CPVL: variants seen among roughly 807,000 people sequenced by gnomAD.
CPVL encodes carboxypeptidase vitellogenic like.
CPVL carries 51 observed loss-of-function variants against 63.7 expected under a neutral mutation model. That is an observed-to-expected ratio of 0.80 (90% CI 0.64 to 1.01). CPVL has a LOEUF of 1.01. CPVL is among the 50% of genes least tolerant of loss of function. CPVL has a pLI of 0.00. For missense variants in CPVL, 530 were observed against 573.1 expected, an observed-to-expected ratio of 0.92 and a Z score of 0.77; for synonymous variants, 195 against 206.0, an observed-to-expected ratio of 0.95 and a Z score of 0.46.
intron 5 of CPVL, among the ~76,000 whole-genome samples, chr7:29,153,913 C>T (rs965522913): frequency 6.6e-6 from 1 of 151,954 alleles, no homozygotes; most frequent in African/African-American, 2.4e-5. Flanking sequence ...CTCTAGCTTA[C>T]TTTCTTGTAA....
intron 12 of CPVL, among the ~76,000 whole-genome samples, chr7:29,008,372 A>G (rs963289528): frequency 1.3e-5 from 2 of 152,216 alleles, no homozygotes; most frequent in Non-Finnish European, 2.9e-5. Context: ...TTAAACTTGC[A>G]TTTTGGAAAA....
intron 11 of CPVL, among the ~76,000 whole-genome samples, chr7:29,031,164 G>C (rs1368005129): frequency 6.6e-6 from 1 of 152,158 alleles, no homozygotes; most frequent in Non-Finnish European, 1.5e-5. Context: ...TCGCTGGCAA[G>C]CTGAGCTTTC....
intron 5 of CPVL, among the ~76,000 whole-genome samples, chr7:29,162,125 G>C (rs1218085001): frequency 6.6e-6 from 1 of 152,180 alleles, no homozygotes; most frequent in Non-Finnish European, 1.5e-5. Flanking sequence ...TTCTTAAAAA[G>C]TTAAACACAC....
At chr7:29,076,078 G>A (rs1189034444) in intron 7 of CPVL, among the ~76,000 whole-genome samples, 1 of 148,570 alleles carries the variant, frequency 6.7e-6, no homozygotes, top group Non-Finnish European at 1.5e-5. Context: ...AATCAAGTGT[G>A]TTTTATTTTA....
At position 29,109,253 on chromosome 7, in the gene CPVL, T is replaced by C. The variant is rs920940864; in HGVS notation, c.288+3451A>G. ...AGTTCTGGAATTTATTCTGCACTGA[T>C]TTGTATACAATAACAGGGCAGTCTC... On this transcript the variant is annotated intron_variant, in intron 3 of 12. Coordinates refer to ENST00000265394, the MANE Select transcript of CPVL (RefSeq NM_031311.5). Among the ~76,000 whole-genome samples, 27 of 152,322 alleles carry C rather than the reference T, an allele frequency of 1.8e-4. 1 individual carries two copies. Among genetic ancestry groups the C allele is most frequent in the Admixed American group, 1.3e-3 (20 of 15,300 alleles).
chr7:29,072,646 C>CA (rs1444612165), intron 7 of CPVL, among the ~76,000 whole-genome samples: 1 of 152,000 alleles, frequency 6.6e-6, no homozygotes, highest in Non-Finnish European at 1.5e-5. Flanking sequence ...GTTCGATGCA[C>CA]AAAAAATCAC....
At chr7:29,173,846 G>A (rs954640946) in intron 5 of CPVL, among the ~76,000 whole-genome samples, 5 of 151,780 alleles carry the variant, frequency 3.3e-5, no homozygotes, top group African/African-American at 1.2e-4. Context: ...ATCTTACTTG[G>A]GGGGCTGAGG....
chr7:29,001,766 A>G (rs1784665136), intron 12 of CPVL, among the ~76,000 whole-genome samples: 1 of 152,196 alleles, frequency 6.6e-6, no homozygotes, highest in African/African-American at 2.4e-5. Context: ...TCATAATGGT[A>G]CATATTCTAG....
chr7:29,062,046 G>A (rs1340621476), intron 11 of CPVL, among the ~76,000 whole-genome samples: 4 of 151,574 alleles, frequency 2.6e-5, no homozygotes, highest in African/African-American at 7.3e-5. Context: ...AAATTCACTC[G>A]TTCCATTCCT....
At chr7:29,103,405 T>G (rs6961622) in intron 3 of CPVL, among the ~76,000 whole-genome samples, 1 of 142,678 alleles carries the variant, frequency 7.0e-6, no homozygotes, top group African/African-American at 2.6e-5. Flanking sequence ...ACCACCATGC[T>G]CAGCTATTTT....
chr7:29,173,451 AC>A (rs1796873692), intron 5 of CPVL, among the ~76,000 whole-genome samples: 1 of 151,952 alleles, frequency 6.6e-6, no homozygotes, highest in South Asian at 2.1e-4. Flanking sequence ...AGAGAATGTC[AC>A]CCCCATCCTA....
chr7:29,119,386 C>G (rs1001534916), intron 2 of CPVL, among the ~76,000 whole-genome samples: 1 of 150,076 alleles, frequency 6.7e-6, no homozygotes, highest in Non-Finnish European at 1.5e-5. Context: ...ACTCAGGAGG[C>G]TGAGGCAGGA....
At chr7:29,111,413 T>G (rs530194477) in intron 3 of CPVL, among the ~76,000 whole-genome samples, 1 of 152,280 alleles carries the variant, frequency 6.6e-6, no homozygotes, top group Admixed American at 6.5e-5. Flanking sequence ...TGGAGGGTGC[T>G]CAGGCTCCAG....
chr7:29,115,304 G>C (rs182402684), intron 2 of CPVL, among the ~76,000 whole-genome samples: 1 of 152,146 alleles, frequency 6.6e-6, no homozygotes, highest in East Asian at 1.9e-4. Context: ...TTCTCCCAGG[G>C]AAGATTGCTT....
At chr7:29,156,235 C>G (rs185080333) in intron 5 of CPVL, among the ~76,000 whole-genome samples, 24 of 152,310 alleles carry the variant, frequency 1.6e-4, no homozygotes, top group Admixed American at 1.6e-3. Flanking sequence ...TGTGGCCTGT[C>G]GCCTTCCTTG....
chr7:29,067,565 G>A (rs1428817774), intron 9 of CPVL, among the ~76,000 whole-genome samples: 2 of 149,616 alleles, frequency 1.3e-5, no homozygotes, highest in African/African-American at 4.8e-5. Flanking sequence ...AGGGACTGCA[G>A]CATCAGGGGA....
At chr7:29,119,706 T>C (rs959197096) in intron 2 of CPVL, among the ~76,000 whole-genome samples, 3 of 152,134 alleles carry the variant, frequency 2.0e-5, no homozygotes, top group African/African-American at 4.8e-5. Context: ...TCTCTGTAAG[T>C]TGGGTAAGTT....
chr7:29,180,489 T>C (rs749778040), intron 5 of CPVL, among the ~76,000 whole-genome samples: 1 of 151,534 alleles, frequency 6.6e-6, no homozygotes, highest in Non-Finnish European at 1.5e-5. Context: ...ATCGCGCCAC[T>C]GCACTGGGCG....
chr7:29,078,550 G>A (rs781572396), intron 7 of CPVL, among the ~76,000 whole-genome samples: 3 of 152,220 alleles, frequency 2.0e-5, no homozygotes, highest in African/African-American at 7.2e-5. Context: ...TTTGCTCACT[G>A]TAGATACAAT....
Sources: gnomAD v4.1 joint callset for allele counts (sites outside exome capture counted in the v4.1 genomes callset) on GRCh38, gnomAD v4.1.1 for gene constraint, MANE v1.5 for transcripts, NCBI Gene and HGNC (gene_info 2026-07-23, HGNC 2026-07-21) for gene names.